Variants in RPL38 observed in about 807,000 individuals in gnomAD.
The protein encoded by RPL38 is ribosomal protein L38.
Under a neutral mutation model 12.8 loss-of-function variants are expected in RPL38, and 2 were observed. The observed-to-expected ratio is 0.16, with a 90% CI of 0.06 to 0.49. RPL38 has a LOEUF of 0.49. RPL38 is among the 20% of genes least tolerant of loss of function. The pLI is 0.96. For synonymous variants in RPL38, 42 were observed against 30.1 expected, an observed-to-expected ratio of 1.39 and a Z score of -1.29; for missense variants, 52 against 79.8, an observed-to-expected ratio of 0.65 and a Z score of 1.33.
Position 74,208,339 on chromosome 17 carries a change from C to T in RPL38, c.65-848C>T, listed in dbSNP as rs1399343495. The stretch of plus-strand genomic sequence containing the variant: ...GCTAGTACATAACCAGAGTGGTGCA[C>T]GATTCAAACCCCACACAGCTGAATT... On this transcript the variant is annotated intron_variant, in intron 3 of 4. Transcript: ENST00000311111. 3.9e-5 allele frequency among the ~76,000 whole-genome samples: 6 copies of T among 152,124 alleles called. No homozygotes were observed. The East Asian group carries it at 9.6e-4, about 24-fold the overall frequency.
At chr17:74,204,038 A>G (rs1383605215) in intron 2 of RPL38, 80 bp downstream of exon 2, 2 of 1,609,132 alleles carry the variant, frequency 1.2e-6, no homozygotes, top group Non-Finnish European at 1.7e-6. Context: ...CCTCCCAAGG[A>G]TCTCCTGAGG....
At position 74,203,704 on chromosome 17, in the gene RPL38, G is replaced by T. The variant is rs774014459; in HGVS notation, c.-80G>T. On this transcript the variant is annotated 5_prime_UTR_variant, in exon 1 of 5. Transcript: ENST00000311111. Reference sequence around the variant, plus strand: ...TTTTTCGTCCTTTTCCCCGGTTGCTGCTTGCTGTGAGTGTCTCTAGGGTGA... The same window carrying T: ...TTTTTCGTCCTTTTCCCCGGTTGCTTCTTGCTGTGAGTGTCTCTAGGGTGA... The T allele has an allele frequency of 1.9e-6, 1 of 512,956 alleles. No homozygotes were observed. The allele number at this position is 512,956 out of a possible 1,614,324, so 31.8% of individuals were successfully genotyped here.
At chr17:74,208,839 G>A (rs778172187) in intron 3 of RPL38, among the ~76,000 whole-genome samples, 2 of 152,172 alleles carry the variant, frequency 1.3e-5, no homozygotes, top group African/African-American at 4.8e-5. Context: ...AGGAGGCTTA[G>A]GCAGGAGAAT....
At chr17:74,208,490 GT>G (rs1256186179) in intron 3 of RPL38, among the ~76,000 whole-genome samples, 1 of 152,218 alleles carries the variant, frequency 6.6e-6, no homozygotes, top group Non-Finnish European at 1.5e-5. Context: ...GTTGTGCGCA[GT>G]GGCTGGAGGC....
intron 3 of RPL38, among the ~76,000 whole-genome samples, chr17:74,208,024 A>C (rs1399559646): frequency 6.6e-6 from 1 of 152,178 alleles, no homozygotes; most frequent in Non-Finnish European, 1.5e-5. Flanking sequence ...AGTTACTGGC[A>C]GAAATGGAGT....
At chr17:74,209,509 A>G (rs2050145161) in intron 4 of RPL38, 200 bp downstream of exon 4, 3 of 693,280 alleles carry the variant, frequency 4.3e-6, no homozygotes, top group Non-Finnish European at 7.1e-6. Context: ...TTCCTTAGCC[A>G]GAAGAGCGGT....
chr17:74,206,846 GGGACTACA>G (rs948181825), intron 3 of RPL38, among the ~76,000 whole-genome samples: 15 of 150,182 alleles, frequency 1.0e-4, no homozygotes, highest in Non-Finnish European at 1.8e-4. Context: ...CCAAGTAGCT[GGGACTACA>G]GGCGCCTGTC....
At position 74,209,836 on chromosome 17, in the gene RPL38, C is replaced by A; in HGVS notation, c.*7C>A. 6.2e-7 allele frequency: 1 copy of A among 1,607,556 alleles called. No homozygotes were observed. Among genetic ancestry groups the A allele is most frequent in the Non-Finnish European group, 8.5e-7 (1 of 1,174,028 alleles). On this transcript the variant is annotated 3_prime_UTR_variant, in exon 5 of 5. Coordinates refer to ENST00000311111, the MANE Select transcript of RPL38 (RefSeq NM_000999.4). ...AGTGAAGGAACTGAAATGAACCAGA[C>A]ACACTGATTGGAACTGTATTATATT...
In RPL38 at chr17:74,209,308, C is replaced by A. The variant is rs139896940; in HGVS notation, c.186C>A (p.Pro62=). Residue 62 remains proline, a splice_region_variant and synonymous_variant, in exon 4 of 5, where the codon CCC becomes CCA. Coordinates refer to ENST00000311111, the MANE Select transcript of RPL38 (RefSeq NM_000999.4). ...AGAAACTGAAGCAGTCCCTGCCCCCCGGTGAGTGAGCCTGAAGTCACTTCA... is the reference window on the plus strand; with the variant it reads ...AGAAACTGAAGCAGTCCCTGCCCCCAGGTGAGTGAGCCTGAAGTCACTTCA... ...KAEKLKQSLP[P]GLAVKELK is the part of the protein sequence containing the mutation. 1.9e-6 allele frequency: 3 copies of A among 1,613,836 alleles called. No individual in the cohort carries two copies. Among genetic ancestry groups the A allele is most frequent in the East Asian group, 4.5e-5 (2 of 44,862 alleles).
At chr17:74,205,649 T>C (rs1011664629) in intron 3 of RPL38, 1 of 152,210 alleles carries the variant, frequency 6.6e-6, no homozygotes, top group Non-Finnish European at 1.5e-5. Flanking sequence ...CACTGCCTAG[T>C]TTGAAGCCCA....
intron 4 of RPL38, 54 bp downstream of exon 4, chr17:74,209,363 G>A: frequency 1.1e-5 from 18 of 1,595,098 alleles, no homozygotes; most frequent in Non-Finnish European, 1.5e-5. Flanking sequence ...AGGTTGCTGT[G>A]TGTGGCCATG....
At chr17:74,207,744 G>A (rs1240314716) in intron 3 of RPL38, among the ~76,000 whole-genome samples, 1 of 151,518 alleles carries the variant, frequency 6.6e-6, no homozygotes, top group Non-Finnish European at 1.5e-5. Flanking sequence ...GACCTCAGGT[G>A]ATCCACCCAC....
At position 74,210,168 on chromosome 17, in the gene RPL38, A is replaced by T. The variant is rs1270580626; in HGVS notation, c.*339A>T. The T allele has an allele frequency of 9.2e-6, 2 of 218,408 alleles. No individual in the cohort carries two copies. Among genetic ancestry groups the T allele is most frequent in the Non-Finnish European group, 1.8e-5 (2 of 109,574 alleles). 13.5% of individuals were successfully genotyped at this position (218,408 alleles called of 1,614,324 possible). Reference sequence around the variant, plus strand: ...ACGCCTGGCCAATTTTTGTATTTGTAGTAGAGACAGGGTTTCACTGCCTGC... The same window carrying T: ...ACGCCTGGCCAATTTTTGTATTTGTTGTAGAGACAGGGTTTCACTGCCTGC... On this transcript the variant is annotated 3_prime_UTR_variant, in exon 5 of 5. Coordinates refer to ENST00000311111, the MANE Select transcript of RPL38 (RefSeq NM_000999.4).
intron 3 of RPL38, among the ~76,000 whole-genome samples, chr17:74,208,827 C>G (rs2050138964): frequency 1.3e-5 from 2 of 152,000 alleles, no homozygotes; most frequent in African/African-American, 4.8e-5. Context: ...CCCAGCTACT[C>G]CAGGAGGCTT....
intron 3 of RPL38, among the ~76,000 whole-genome samples, chr17:74,208,695 G>GGAGGCC (rs887653559): frequency 7.2e-5 from 11 of 152,296 alleles, no homozygotes; most frequent in Admixed American, 7.2e-4. Context: ...CAGCACTTTG[G>GGAGGCC]GAGGCCGAGG....
intron 2 of RPL38, 28 bp downstream of exon 2, chr17:74,203,986 C>G: frequency 2.5e-6 from 4 of 1,613,052 alleles, no homozygotes; most frequent in Non-Finnish European, 3.4e-6. Context: ...CTGGCGCCTT[C>G]CCGGGGTGGG....
Position 74,209,370 on chromosome 17 carries a change from C to T in RPL38, c.187+61C>T. On this transcript the variant is annotated intron_variant, in intron 4 of 4. Transcript: ENST00000311111. ...GGTTTGGAAGGTTGCTGTGTGTGGCCATGTTGTATCTTGTTTTGAATCCCT... is the reference window on the plus strand; with the variant it reads ...GGTTTGGAAGGTTGCTGTGTGTGGCTATGTTGTATCTTGTTTTGAATCCCT... 3.8e-6 allele frequency: 6 copies of T among 1,580,794 alleles called. No homozygotes were observed. The South Asian group carries it at 6.9e-5, about 18-fold the overall frequency.
chr17:74,209,684 G>T (rs773264999), intron 4 of RPL38, 120 bp from the exon 5 acceptor site: 73 of 849,386 alleles, frequency 8.6e-5, no homozygotes, highest in Admixed American at 3.8e-4. Flanking sequence ...CCGAAACTTC[G>T]CTGGTGGATC....
intron 1 of RPL38, 41 bp from the exon 2 acceptor site, chr17:74,203,877 A>G: frequency 1.3e-6 from 2 of 1,509,998 alleles, no homozygotes; most frequent in Non-Finnish European, 1.8e-6. Context: ...GTTCGCTGCC[A>G]GCCCCCGCGC....
Sources: allele counts gnomAD v4.1 joint callset (sites outside exome capture counted in the v4.1 genomes callset), GRCh38; gene constraint gnomAD v4.1.1; transcripts MANE v1.5; gene names NCBI Gene and HGNC (gene_info 2026-07-23, HGNC 2026-07-21).